CNOT2: variants seen among roughly 807,000 people sequenced by gnomAD.
CNOT2 encodes the protein CCR4-NOT transcription complex subunit 2.
Under a neutral mutation model 72.1 loss-of-function variants are expected in CNOT2, and 7 were observed. The observed-to-expected ratio is 0.10, with a 90% confidence interval of 0.06 to 0.18. The LOEUF (loss-of-function observed/expected upper bound fraction) is 0.18. Among genes scored for constraint, CNOT2 ranks in the 10% least tolerant of loss-of-function variants. The pLI, the probability that CNOT2 is intolerant of heterozygous loss-of-function variation, is 1.00. For synonymous variants in CNOT2, 196 were observed against 225.6 expected, an observed-to-expected ratio of 0.87 and a Z score of 1.17; for missense variants, 345 against 660.3, an observed-to-expected ratio of 0.52 and a Z score of 5.23.
intron 15 of CNOT2, among the ~76,000 whole-genome samples, chr12:70,352,187 G>T (rs1190509852): frequency 3.3e-5 from 5 of 152,128 alleles, no homozygotes; most frequent in African/African-American, 1.2e-4. Flanking sequence ...AAAAGACACA[G>T]GCTTTTTGTC....
rs59755546 is a variant in CNOT2, at chr12:70,319,209, T to G, written c.172-89T>G. 1.8e-3 allele frequency: 1,844 copies of G among 1,039,700 alleles called. 12 individuals carry two copies. In the African/African-American group the frequency reaches 0.023, roughly 13 times the overall value. The allele number at this position is 1,039,700 out of a possible 1,614,324, so 64.4% of individuals were successfully genotyped here. ...AATGAGAAAATGTTAGATTTTCACATTTATGGTATGATTTACAGATTTGTG... is the reference window on the plus strand; with the variant it reads ...AATGAGAAAATGTTAGATTTTCACAGTTATGGTATGATTTACAGATTTGTG... On this transcript the variant is annotated intron_variant, in intron 3 of 15. Transcript: ENST00000229195.
chr12:70,336,235 T>A (rs1880681203), intron 8 of CNOT2: 1 of 152,170 alleles, frequency 6.6e-6, no homozygotes, highest in African/African-American at 2.4e-5. Flanking sequence ...CATGTATAGC[T>A]TATGCAGACT....
intron 2 of CNOT2, among the ~76,000 whole-genome samples, chr12:70,283,814 T>C (rs1021197694): frequency 6.6e-6 from 1 of 152,084 alleles, no homozygotes; most frequent in Non-Finnish European, 1.5e-5. Flanking sequence ...TTACTTGCAT[T>C]TATACAGCTG....
chr12:70,281,563 C>A (rs1869848229), intron 2 of CNOT2, among the ~76,000 whole-genome samples: 1 of 152,190 alleles, frequency 6.6e-6, no homozygotes, highest in Non-Finnish European at 1.5e-5. Flanking sequence ...CAGTTTCACA[C>A]CCACAGGGGT....
chr12:70,288,647 T>C (rs943679518), intron 2 of CNOT2, among the ~76,000 whole-genome samples: 1 of 152,242 alleles, frequency 6.6e-6, no homozygotes, highest in African/African-American at 2.4e-5. Context: ...TGTTCATTGC[T>C]GTATCCTCAC....
chr12:70,315,384 T>C (rs1348138995), intron 3 of CNOT2, among the ~76,000 whole-genome samples: 2 of 152,142 alleles, frequency 1.3e-5, no homozygotes, highest in Non-Finnish European at 2.9e-5. Context: ...AAAGTCATAA[T>C]TCATTTGTGG....
chr12:70,278,372 C>A, intron 2 of CNOT2, 98 bp downstream of exon 2: 2 of 763,872 alleles, frequency 2.6e-6, no homozygotes, highest in South Asian at 1.9e-5. Context: ...AAATTGGTTA[C>A]ACCTCAATTT....
chr12:70,291,494 T>C (rs1203331506), intron 2 of CNOT2, among the ~76,000 whole-genome samples: 1 of 152,202 alleles, frequency 6.6e-6, no homozygotes, highest in Non-Finnish European at 1.5e-5. Flanking sequence ...GAGCCACTAG[T>C]CTTCACATTC....
intron 2 of CNOT2, 177 bp downstream of exon 2, chr12:70,278,451 C>CA: frequency 2.0e-6 from 1 of 491,710 alleles, no homozygotes; most frequent in East Asian, 3.2e-5. Context: ...GAACACTTTT[C>CA]AAAATAAAGC....
In CNOT2 at chr12:70,338,667, T is replaced by A; in HGVS notation, c.1023T>A (p.Gly341=). ...QKKGIQVLPD[G]RVTNIPQGMV... is the part of the protein sequence containing the mutation. ...AGCAACTGTGTTTTTCCTACCCAGG[T>A]CGGGTTACTAACATTCCTCAAGGGA... The change falls in exon 11 of 16, where the codon GGT becomes GGA. Residue 341 remains glycine (G), a splice_region_variant and synonymous_variant. Transcript: ENST00000229195. 1 of 1,611,288 alleles carries A rather than the reference T, an allele frequency of 6.2e-7. No homozygotes were observed. Among genetic ancestry groups the A allele is most frequent in the Non-Finnish European group, 8.5e-7 (1 of 1,178,900 alleles).
chr12:70,337,126 C>A, intron 8 of CNOT2: 2 of 232,834 alleles, frequency 8.6e-6, no homozygotes, highest in East Asian at 8.6e-5. Flanking sequence ...AATCCAATAT[C>A]AAATTAAATT....
At chr12:70,263,556 T>A (rs953119729) in intron 1 of CNOT2, among the ~76,000 whole-genome samples, 8 of 152,186 alleles carry the variant, frequency 5.3e-5, no homozygotes, top group Non-Finnish European at 8.8e-5. Context: ...TTTTTTCTTA[T>A]CTCTTTCTTA....
At chr12:70,280,060 A>T (rs1213045339) in intron 2 of CNOT2, among the ~76,000 whole-genome samples, 2 of 152,154 alleles carry the variant, frequency 1.3e-5, no homozygotes, top group Non-Finnish European at 2.9e-5. Context: ...GAATGTCTAT[A>T]TAAGAATGTA....
chr12:70,259,315 AT>A (rs80241650), intron 1 of CNOT2, among the ~76,000 whole-genome samples: 1 of 150,752 alleles, frequency 6.6e-6, no homozygotes, highest in Non-Finnish European at 1.5e-5. Flanking sequence ...TGCAGGGCTT[AT>A]TTTTTTTTAA....
At chr12:70,265,347 T>C in intron 1 of CNOT2, among the ~76,000 whole-genome samples, 1 of 151,730 alleles carries the variant, frequency 6.6e-6, no homozygotes, top group Non-Finnish European at 1.5e-5. Flanking sequence ...TTTCTTTCTT[T>C]CTCTCTTTCA....
intron 13 of CNOT2, among the ~76,000 whole-genome samples, chr12:70,342,945 A>C (rs1236010358): frequency 6.6e-6 from 1 of 152,172 alleles, no homozygotes; most frequent in Non-Finnish European, 1.5e-5. Context: ...ATCTATGTGT[A>C]TGTGTATATA....
intron 6 of CNOT2, among the ~76,000 whole-genome samples, chr12:70,331,852 A>T (rs1000360414): frequency 1.3e-5 from 2 of 151,854 alleles, no homozygotes; most frequent in Non-Finnish European, 2.9e-5. Flanking sequence ...TGATACACTA[A>T]GTGCCTTTTA....
At chr12:70,259,951 C>A (rs139362019) in intron 1 of CNOT2, among the ~76,000 whole-genome samples, 4 of 152,258 alleles carry the variant, frequency 2.6e-5, no homozygotes, top group African/African-American at 9.6e-5. Context: ...TATCTTAGTA[C>A]CCTTCTCTAA....
At chr12:70,322,069 G>T (rs1878386392) in intron 4 of CNOT2, 1 of 151,724 alleles carries the variant, frequency 6.6e-6, no homozygotes, top group Non-Finnish European at 1.5e-5. Context: ...TTTCCTATTT[G>T]TTATATTTGA....
Sources: allele counts gnomAD v4.1 joint callset (sites outside exome capture counted in the v4.1 genomes callset), GRCh38; gene constraint gnomAD v4.1.1; transcripts MANE v1.5; gene names NCBI Gene and HGNC (gene_info 2026-07-23, HGNC 2026-07-21).